GABARAPL1: variants seen among roughly 807,000 people sequenced by gnomAD.
GABARAPL1 encodes gamma-aminobutyric acid receptor-associated protein-like 1.
A neutral mutation model predicts 14.5 loss-of-function variants in GABARAPL1; 4 were observed. The ratio of observed to expected loss-of-function variants is 0.28; its 90% CI spans 0.14 to 0.63. GABARAPL1 has a LOEUF of 0.63. Ranked by LOEUF, GABARAPL1 falls within the 30% of genes least tolerant of loss-of-function variation. The pLI is 0.84. For synonymous variants in GABARAPL1, 47 were observed against 50.6 expected (o/e 0.93, Z 0.30); for missense variants, 82 against 139.2 (o/e 0.59, Z 2.07).
At position 10,221,889 on chromosome 12, in the gene GABARAPL1, T is replaced by TGG. The variant is rs778401858; in HGVS notation, c.*41_*42dup. The TGG allele has an allele frequency of 1.2e-6, 2 of 1,600,836 alleles. No homozygotes were observed. Among genetic ancestry groups the TGG allele is most frequent in the South Asian group, 2.2e-5 (2 of 90,740 alleles). On this transcript the variant is annotated 3_prime_UTR_variant, in exon 4 of 4. Transcript: ENST00000266458. The stretch of plus-strand genomic sequence containing the variant: ...CCCAGCAGATGGGAGCACCTGGACT[T>TGG]GGGGGTAGGGGAGGGGTGTGTGTGC...
intron 1 of GABARAPL1, chr12:10,214,808 C>A (rs571092315): frequency 6.6e-6 from 1 of 152,200 alleles, no homozygotes; most frequent in Non-Finnish European, 1.5e-5. Context: ...CATATTGTTT[C>A]TCAGTTTCTA....
At position 10,223,025 on chromosome 12, in the gene GABARAPL1, C is replaced by G. The variant is rs540001770; in HGVS notation, c.*1173C>G. 7 of 152,686 alleles carry G rather than the reference C, an allele frequency of 4.6e-5. No homozygotes were observed. In the East Asian group the frequency reaches 1.2e-3, roughly 25 times the overall value. The allele number at this position is 152,686 out of a possible 1,614,324, so 9.5% of individuals were successfully genotyped here. A position where few individuals can be genotyped will look rare whatever the true frequency, so the allele number is the denominator to read the frequency against. On this transcript the variant is annotated 3_prime_UTR_variant, in exon 4 of 4. Coordinates refer to ENST00000266458, the MANE Select transcript of GABARAPL1 (RefSeq NM_031412.4). Reference sequence around the variant, plus strand: ...TCTCTGCTAATGAAAAGGGTTCTTTCTCTTGGGGGAAATGTGTGTGTCAGT... The same window carrying G: ...TCTCTGCTAATGAAAAGGGTTCTTTGTCTTGGGGGAAATGTGTGTGTCAGT...
At position 10,222,984 on chromosome 12, in the gene GABARAPL1, A is replaced by G. The variant is rs2137593510; in HGVS notation, c.*1132A>G. 6.5e-6 allele frequency: 1 copy of G among 152,698 alleles called. No homozygotes were observed. Among genetic ancestry groups the G allele is most frequent in the South Asian group, 2.1e-4 (1 of 4,822 alleles). 9.5% of individuals were successfully genotyped at this position (152,698 alleles called of 1,614,324 possible). ...TGGGGAGCAGGAATTGCACTCAGAC[A>G]TGACATTTCAATTCATCTCTGCTAA... is the stretch of plus-strand genomic sequence containing the variant. On this transcript the variant is annotated 3_prime_UTR_variant, in exon 4 of 4. Coordinates refer to ENST00000266458, the MANE Select transcript of GABARAPL1 (RefSeq NM_031412.4).
At chr12:10,217,967 A>T (rs1949099966) in intron 1 of GABARAPL1, 96 bp from the exon 2 acceptor site, 1 of 758,698 alleles carries the variant, frequency 1.3e-6, no homozygotes, top group East Asian at 2.6e-5. Flanking sequence ...AGACAGATTC[A>T]TTTCCAGTAG....
At chr12:10,219,359 CT>C (rs1377685907) in intron 2 of GABARAPL1, among the ~76,000 whole-genome samples, 1 of 151,608 alleles carries the variant, frequency 6.6e-6, no homozygotes, top group African/African-American at 2.4e-5. Flanking sequence ...CAAAATTCGG[CT>C]TTGTTAATTG....
chr12:10,220,883 G>A (rs546832174), intron 3 of GABARAPL1: 53 of 1,404,614 alleles, frequency 3.8e-5, no homozygotes, highest in Non-Finnish European at 4.7e-5. Flanking sequence ...TCAGCCCATC[G>A]CAGTTCCTGC....
At chr12:10,219,180 GTGT>G (rs1216911004) in intron 2 of GABARAPL1, among the ~76,000 whole-genome samples, 1 of 151,862 alleles carries the variant, frequency 6.6e-6, no homozygotes, top group Non-Finnish European at 1.5e-5. Context: ...TTAGCTGGGT[GTGT>G]TGTTGGGCAC....
chr12:10,214,118 G>C (rs1278993243), intron 1 of GABARAPL1: 1 of 248,136 alleles, frequency 4.0e-6, no homozygotes, highest in Non-Finnish European at 8.5e-6. Context: ...TAAGTGGTAG[G>C]GGGACCAGCA....
At chr12:10,215,387 C>A (rs907657267) in intron 1 of GABARAPL1, among the ~76,000 whole-genome samples, 2 of 152,060 alleles carry the variant, frequency 1.3e-5, no homozygotes, top group African/African-American at 4.8e-5. Context: ...TTCAAAGATA[C>A]AACATATCAA....
At chr12:10,220,205 G>A (rs1592006117) in intron 2 of GABARAPL1, among the ~76,000 whole-genome samples, 1 of 152,174 alleles carries the variant, frequency 6.6e-6, no homozygotes, top group South Asian at 2.1e-4. Flanking sequence ...TTGAATAAGA[G>A]GGGAAAGGAG....
chr12:10,220,694 G>A (rs1458653408), intron 3 of GABARAPL1, 136 bp downstream of exon 3: 1 of 1,542,920 alleles, frequency 6.5e-7, no homozygotes, highest in African/African-American at 1.4e-5. Context: ...TCTTACATAT[G>A]GCAGTGTAAG....
At chr12:10,216,971 T>C (rs1012141886) in intron 1 of GABARAPL1, among the ~76,000 whole-genome samples, 1 of 152,204 alleles carries the variant, frequency 6.6e-6, no homozygotes, top group Admixed American at 6.5e-5. Context: ...ACATGATTTT[T>C]TTACAACTTG....
At chr12:10,220,697 A>G (rs776637661) in intron 3 of GABARAPL1, 139 bp downstream of exon 3, 1 of 1,543,158 alleles carries the variant, frequency 6.5e-7, no homozygotes, top group South Asian at 1.2e-5. Context: ...TACATATGGC[A>G]GTGTAAGGCT....
In GABARAPL1 at chr12:10,213,111, G is replaced by C; in HGVS notation, c.-19G>C. 6.5e-7 allele frequency: 1 copy of C among 1,527,876 alleles called. No individual in the cohort carries two copies. 94.6% of individuals were successfully genotyped at this position (1,527,876 alleles called of 1,614,324 possible). A position where few individuals can be genotyped will look rare whatever the true frequency, so the allele number is the denominator to read the frequency against. ...GAGGCAGGCCCCGCGCGGGGATCTC[G>C]GAAGCCCTGCGGTGCATCATGAAGT... On this transcript the variant is annotated 5_prime_UTR_variant, in exon 1 of 4. Transcript: ENST00000266458.
intron 1 of GABARAPL1, chr12:10,213,750 G>T: frequency 2.4e-6 from 1 of 411,212 alleles, no homozygotes; most frequent in Non-Finnish European, 4.9e-6. Context: ...TTGCATTACA[G>T]GGGGTTAGGG....
chr12:10,218,856 C>T (rs904604577), intron 2 of GABARAPL1, among the ~76,000 whole-genome samples: 6 of 151,598 alleles, frequency 4.0e-5, no homozygotes, highest in Non-Finnish European at 8.8e-5. Context: ...TTGCAGGCAC[C>T]TGCCACCATA....
intron 3 of GABARAPL1, 179 bp from the exon 4 acceptor site, chr12:10,221,604 TTTTG>T (rs1949120583): frequency 2.0e-6 from 1 of 494,602 alleles, no homozygotes; most frequent in Non-Finnish European, 2.6e-6. Context: ...AATGAAGGAT[TTTTG>T]TTTGTGAACT....
At chr12:10,213,917 TGA>T (rs1375789980) in intron 1 of GABARAPL1, 4 of 454,656 alleles carry the variant, frequency 8.8e-6, no homozygotes, top group Non-Finnish European at 1.8e-5. Context: ...AAGGCAGGAC[TGA>T]GACGTTTTTT....
chr12:10,221,618 T>A, intron 3 of GABARAPL1, 169 bp from the exon 4 acceptor site: 3 of 498,836 alleles, frequency 6.0e-6, no homozygotes, highest in Non-Finnish European at 7.8e-6. Flanking sequence ...GTTTGTGAAC[T>A]CAGAGCTCAA....
Sources: allele counts gnomAD v4.1 joint callset (sites outside exome capture counted in the v4.1 genomes callset), GRCh38; gene constraint gnomAD v4.1.1; transcripts MANE v1.5; gene names NCBI Gene and HGNC (gene_info 2026-07-23, HGNC 2026-07-21).